Variants in KIF26A observed in about 807,000 individuals in gnomAD.
The protein encoded by KIF26A is kinesin-like protein KIF26A.
In KIF26A, 74 loss-of-function variants were observed where a neutral mutation model predicts 126.0. The ratio of observed to expected loss-of-function variants is 0.59; its 90% confidence interval spans 0.49 to 0.71. KIF26A has a LOEUF of 0.71. Among genes scored for constraint, KIF26A ranks in the 30% least tolerant of loss-of-function variants. KIF26A has a pLI of 0.00. For synonymous variants in KIF26A, 1,445 were observed against 1,232.7 expected, an observed-to-expected ratio of 1.17 and a Z score of -3.61; for missense variants, 2,984 against 2,763.3, an observed-to-expected ratio of 1.08 and a Z score of -1.79.
chr14:104,145,173 A>T (rs1163556297), intron 2 of KIF26A, among the ~76,000 whole-genome samples: 1 of 152,222 alleles, frequency 6.6e-6, no homozygotes, highest in Non-Finnish European at 1.5e-5. Flanking sequence ...GCCTGTGAAC[A>T]GTCCTTGGGC....
In KIF26A at chr14:104,175,263, G is replaced by A. The variant is rs770486941; in HGVS notation, c.2475G>A (p.Arg825=). 6 of 1,606,784 alleles carry A rather than the reference G, an allele frequency of 3.7e-6. No homozygotes were observed. The South Asian group carries it at 6.6e-5, about 18-fold the overall frequency. The change falls in exon 12 of 15, where the codon CGG becomes CGA. Residue 825 remains arginine, a synonymous_variant. Coordinates refer to ENST00000423312, the MANE Select transcript of KIF26A (RefSeq NM_015656.2). ...VPIIPALSRH[R]PSKGPRDADH... is the part of the protein sequence containing the mutation. ...TCATCCCTGCCCTGAGCCGCCACCG[G>A]CCCTCCAAGGGTCCCCGAGACGCAG...
chr14:104,179,090 G>A, intron 13 of KIF26A, 146 bp from the exon 14 acceptor site: 1 of 950,368 alleles, frequency 1.1e-6, no homozygotes, highest in Non-Finnish European at 1.5e-6. Flanking sequence ...GGCTGCCCCA[G>A]GTCCGCCCCC....
rs758610431 is a variant in KIF26A, at chr14:104,171,888, C to G, written c.1279C>G (p.Pro427Ala). 1 of 1,559,750 alleles carries G rather than the reference C, an allele frequency of 6.4e-7. No homozygotes were observed. Among genetic ancestry groups the G allele is most frequent in the Non-Finnish European group, 8.7e-7 (1 of 1,152,774 alleles). ...CCGGCGAGCCGCCACTGCTGCAGTT[C>G]CCAAGATGTTTGCCTTCGATGCCGT... ...GPRRAATAAV[P>A]KMFAFDAVFP... Residue 427 changes from proline (P) to alanine (A), a missense_variant, in exon 6 of 15, where the codon CCC becomes GCC. Coordinates refer to ENST00000423312, the MANE Select transcript of KIF26A (RefSeq NM_015656.2).
At chr14:104,172,531 G>C (rs1359506469) in intron 6 of KIF26A, 44 bp from the exon 7 acceptor site, 1 of 1,486,342 alleles carries the variant, frequency 6.7e-7, no homozygotes, top group Admixed American at 1.7e-5. Context: ...AGACGTGGCA[G>C]AAGGAAGGGG....
rs987848448 is a variant in KIF26A at position 104,151,684 on chromosome 14, G to C, written c.289-331G>C. On this transcript the variant is annotated intron_variant, in intron 2 of 14. Transcript: ENST00000423312. This position sits in a 1 kb window ranked among gnomAD's most constrained non-coding sequence, Gnocchi z 4.9. The stretch of plus-strand genomic sequence containing the variant: ...GCCCTGCTTCTTGCCAGTCTCCTGC[G>C]TGTCCCCGGCCAGGCGGCCTTAGCT... Among the ~76,000 whole-genome samples the C allele has an allele frequency of 6.6e-6, 1 of 152,190 alleles. No individual in the cohort carries two copies. The highest frequency in any genetic ancestry group is 1.5e-5 in the Non-Finnish European group (1 of 68,034).
In KIF26A at chr14:104,175,273, G is replaced by A. The variant is rs377133276; in HGVS notation, c.2485G>A (p.Gly829Ser). ...PALSRHRPSK[G>S]PRDADHFRCS... ...CCTGAGCCGCCACCGGCCCTCCAAG[G>A]GTCCCCGAGACGCAGACCACTTCCG... is the stretch of plus-strand genomic sequence containing the variant. The change falls in exon 12 of 15, where the codon GGT becomes AGT. Residue 829 changes from glycine to serine, a missense_variant. Physicochemically the swap from Gly to Ser is moderately conservative, Grantham distance 56 (BLOSUM62 0). Transcript: ENST00000423312. 1.9e-6 allele frequency: 3 copies of A among 1,606,482 alleles called. No individual in the cohort carries two copies. Among genetic ancestry groups the A allele is most frequent in the Non-Finnish European group, 1.7e-6 (2 of 1,179,634 alleles).
At position 104,151,895 on chromosome 14, in the gene KIF26A, A is replaced by G. The variant is rs2037732791; in HGVS notation, c.289-120A>G. ...GTTTGGGCTTATTAATCTGTTACGGATGGTGCGGTGGCCAGGCGGGAGCTC... is the reference window on the plus strand; with the variant it reads ...GTTTGGGCTTATTAATCTGTTACGGGTGGTGCGGTGGCCAGGCGGGAGCTC... On this transcript the variant is annotated intron_variant, in intron 2 of 14. Coordinates refer to ENST00000423312, the MANE Select transcript of KIF26A (RefSeq NM_015656.2). This position sits in a 1 kb window ranked among gnomAD's most constrained non-coding sequence, Gnocchi z 4.9. 13 of 779,054 alleles carry G rather than the reference A, an allele frequency of 1.7e-5. No homozygotes were observed. The highest frequency in any genetic ancestry group is 8.9e-5 in the South Asian group (6 of 67,066). The allele number at this position is 779,054 out of a possible 1,614,324, so 48.3% of individuals were successfully genotyped here.
Position 104,177,509 on chromosome 14 carries a change from G to A in KIF26A, c.4721G>A (p.Gly1574Glu). 1 of 1,534,936 alleles carries A rather than the reference G, an allele frequency of 6.5e-7. No homozygotes were observed. The highest frequency in any genetic ancestry group is 2.0e-5 in the Admixed American group (1 of 51,008). The change falls in exon 12 of 15, where the codon GGA (glycine) becomes GAA (glutamate). Residue 1574 changes from glycine (G) to glutamate (E), a missense_variant. Gly to Glu is a moderately conservative substitution (Grantham distance 98). Coordinates refer to ENST00000423312, the MANE Select transcript of KIF26A (RefSeq NM_015656.2). ...CGCGTCCATGAGCTGTCAGCCAGTGGAGCCCCGGGCCGAGGTGGCTCCTCG... is the reference window on the plus strand; with the variant it reads ...CGCGTCCATGAGCTGTCAGCCAGTGAAGCCCCGGGCCGAGGTGGCTCCTCG... ...HSRVHELSASGAPGRGGSSWG... is the reference protein window; with the variant it reads ...HSRVHELSASEAPGRGGSSWG...
Position 104,152,898 on chromosome 14 carries a change from G to A in KIF26A, c.735+437G>A, listed in dbSNP as rs2037744162. 6.6e-6 allele frequency among the ~76,000 whole-genome samples: 1 copy of A among 152,136 alleles called. No individual in the cohort carries two copies. Among genetic ancestry groups the A allele is most frequent in the African/African-American group, 2.4e-5 (1 of 41,426 alleles). On this transcript the variant is annotated intron_variant, in intron 3 of 14. Coordinates refer to ENST00000423312, the MANE Select transcript of KIF26A (RefSeq NM_015656.2). This position sits in a 1 kb window ranked among gnomAD's most constrained non-coding sequence, Gnocchi z 5.9. ...ATGGACGTCGGGCGGGGGACCGGCA[G>A]TTGCAATTGCTGGAGATGCGTTGCC...
intron 4 of KIF26A, among the ~76,000 whole-genome samples, chr14:104,160,291 G>C (rs994162991): frequency 6.6e-6 from 1 of 152,110 alleles, no homozygotes; most frequent in Non-Finnish European, 1.5e-5. Context: ...GTGGGCCTGG[G>C]GAGTCTCAGC....
At position 104,175,190 on chromosome 14, in the gene KIF26A, C is replaced by T. The variant is rs769010896; in HGVS notation, c.2402C>T (p.Ser801Leu). The change falls in exon 12 of 15, where the codon TCA (serine) becomes TTA (leucine). Residue 801 changes from serine (S) to leucine (L), a missense_variant. Coordinates refer to ENST00000423312, the MANE Select transcript of KIF26A (RefSeq NM_015656.2). ...GTGGGGCCCGGTGGGGCGGCGCTGT[C>T]AGACCGGGAGCTCACCGACAACGAA... ...IYVGPGGAAL[S>L]DRELTDNEGP... is the part of the protein sequence containing the mutation. 6.2e-7 allele frequency: 1 copy of T among 1,609,128 alleles called. No individual in the cohort carries two copies. The highest frequency in any genetic ancestry group is 1.3e-5 in the African/African-American group (1 of 74,988).
chr14:104,157,780 C>T lies in KIF26A; in HGVS notation c.761C>T (p.Ala254Val), dbSNP rs539711547. Residue 254 changes from alanine (A) to valine (V), a missense_variant, in exon 4 of 15, where the codon GCG becomes GTG. Ala to Val is a moderately conservative substitution (Grantham distance 64). Coordinates refer to ENST00000423312, the MANE Select transcript of KIF26A (RefSeq NM_015656.2). ...CLAEAAVAAV[A>V]VADTVRECPP... is the part of the protein sequence containing the mutation. ...GCCGAGGCAGCGGTGGCGGCCGTGG[C>T]GGTGGCAGACACGGTCCGAGAATGC... 43 of 1,610,514 alleles carry T rather than the reference C, an allele frequency of 2.7e-5. No homozygotes were observed. In the Middle Eastern group the frequency reaches 5.0e-4, roughly 19 times the overall value.
At chr14:104,168,554 C>G (rs1358817624) in intron 5 of KIF26A, among the ~76,000 whole-genome samples, 2 of 152,148 alleles carry the variant, frequency 1.3e-5, no homozygotes, top group Non-Finnish European at 2.9e-5. Context: ...CAGTTGGCAC[C>G]TTGGAGCTGC....
At position 104,148,281 on chromosome 14, in the gene KIF26A, G is replaced by T. The variant is rs1596133315; in HGVS notation, c.289-3734G>T. On this transcript the variant is annotated intron_variant, in intron 2 of 14. Transcript: ENST00000423312. The surrounding 1 kb of genome is among the most constrained non-coding windows in gnomAD (Gnocchi z 4.3). ...TAAAACCCAGGCGCGCAATGGGTGG[G>T]CTATGTTTGATGCTAAATTGAATCA... Among the ~76,000 whole-genome samples the T allele has an allele frequency of 1.3e-5, 2 of 152,344 alleles. No individual in the cohort carries two copies. Among genetic ancestry groups the T allele is most frequent in the South Asian group, 2.1e-4 (1 of 4,820 alleles).
intron 5 of KIF26A, among the ~76,000 whole-genome samples, chr14:104,168,861 G>A (rs34190464): frequency 0.028 from 4,187 of 152,224 alleles, 81 homozygotes; most frequent in Non-Finnish European, 0.029. Context: ...GGGGTGAGGC[G>A]GGGGTGGTGG....
At position 104,154,495 on chromosome 14, in the gene KIF26A, G is replaced by A. The variant is rs548437737; in HGVS notation, c.735+2034G>A. On this transcript the variant is annotated intron_variant, in intron 3 of 14. Transcript: ENST00000423312. ...GAGACTCCTGGGCTATGGAGCCGCC[G>A]GGCAGGGCTGTCCAGCGGTTCTTCC... 7.9e-5 allele frequency among the ~76,000 whole-genome samples: 12 copies of A among 152,316 alleles called. 1 individual carries two copies. The East Asian group carries it at 1.5e-3, about 20-fold the overall frequency.
chr14:104,172,523 A>C (rs1258024008), intron 6 of KIF26A, 52 bp from the exon 7 acceptor site: 1 of 1,406,496 alleles, frequency 7.1e-7, no homozygotes, highest in Non-Finnish European at 1.0e-6. Flanking sequence ...AGGCCCACAG[A>C]CGTGGCAGAA....
intron 2 of KIF26A, among the ~76,000 whole-genome samples, chr14:104,143,917 CG>C (rs1238102308): frequency 6.6e-6 from 1 of 152,186 alleles, no homozygotes; most frequent in Non-Finnish European, 1.5e-5. Flanking sequence ...GGCTGGCAGG[CG>C]GGGCACTGGC....
intron 9 of KIF26A, 79 bp downstream of exon 9, chr14:104,173,592 G>C (rs1193515029): frequency 6.6e-7 from 1 of 1,506,496 alleles, no homozygotes; most frequent in Non-Finnish European, 8.9e-7. Flanking sequence ...CTGTCATCCA[G>C]TGGCTCCTGG....
Sources: gnomAD v4.1 joint callset for allele counts (sites outside exome capture counted in the v4.1 genomes callset) on GRCh38, gnomAD v4.1.1 for gene constraint, Gnocchi (gnomAD v3.1) non-coding constraint, MANE v1.5 for transcripts, NCBI Gene and HGNC (gene_info 2026-07-23, HGNC 2026-07-21) for gene names.